Variants in ZIM2 observed in about 807,000 individuals in gnomAD.
ZIM2 encodes the protein zinc finger imprinted 2.
Under a neutral mutation model 38.6 loss-of-function variants are expected in ZIM2, and 14 were observed. The observed-to-expected ratio is 0.36, with a 90% confidence interval of 0.24 to 0.57. ZIM2 has a LOEUF of 0.57. Among genes scored for constraint, ZIM2 ranks in the 20% least tolerant of loss-of-function variants. ZIM2 has a pLI of 0.81. For synonymous variants in ZIM2, 247 were observed against 245.8 expected, an observed-to-expected ratio of 1.00 and a Z score of -0.04; for missense variants, 680 against 695.1, an observed-to-expected ratio of 0.98 and a Z score of 0.24.
At chr19:56,835,431 C>T (rs994901478) in intron 2 of ZIM2, among the ~76,000 whole-genome samples, 2 of 152,266 alleles carry the variant, frequency 1.3e-5, no homozygotes, top group South Asian at 4.1e-4. Flanking sequence ...AACAACAACC[C>T]TATCCCCTCT....
intron 9 of ZIM2, 74 bp from the exon 10 acceptor site, chr19:56,790,025 C>G (rs2046845529): frequency 3.2e-6 from 4 of 1,253,956 alleles, no homozygotes; most frequent in Non-Finnish European, 3.2e-6. Context: ...GCCAGCCACC[C>G]TCATGCCACC....
chr19:56,824,118 T>C, intron 4 of ZIM2, 144 bp downstream of exon 4: 1 of 1,361,352 alleles, frequency 7.3e-7, no homozygotes, highest in South Asian at 1.5e-5. Flanking sequence ...TGCAGCTCAA[T>C]ATCCCACAGT....
chr19:56,779,674 A>AG (rs1285787053), intron 11 of ZIM2, among the ~76,000 whole-genome samples: 1 of 152,118 alleles, frequency 6.6e-6, no homozygotes, highest in Non-Finnish European at 1.5e-5. Flanking sequence ...GAGCAGAGGG[A>AG]GGGGTTCCTA....
At chr19:56,802,414 A>G (rs7260644) in intron 9 of ZIM2, among the ~76,000 whole-genome samples, 3,186 of 152,316 alleles carry the variant, frequency 0.021, 118 homozygotes, top group African/African-American at 0.072. Context: ...GATGGCCCCA[A>G]TGATTAAAAA....
At chr19:56,815,964 T>C (rs568528303) in intron 9 of ZIM2, 1 of 1,587,916 alleles carries the variant, frequency 6.3e-7, no homozygotes, top group East Asian at 2.2e-5. Flanking sequence ...ATTCCCTTCC[T>C]TCAGAGGTGT....
intron 9 of ZIM2, chr19:56,817,384 G>A (rs759218239): frequency 6.2e-7 from 1 of 1,613,964 alleles, no homozygotes; most frequent in Non-Finnish European, 8.5e-7. Context: ...CTTGTTCAAT[G>A]AAATGTCCTT....
At chr19:56,827,820 G>A (rs1183824857) in intron 2 of ZIM2, among the ~76,000 whole-genome samples, 1 of 152,124 alleles carries the variant, frequency 6.6e-6, no homozygotes, top group African/African-American at 2.4e-5. Flanking sequence ...ACCGGACACA[G>A]CACTGTATAC....
intron 9 of ZIM2, among the ~76,000 whole-genome samples, chr19:56,794,429 C>T (rs73935921): frequency 2.0e-5 from 3 of 152,194 alleles, no homozygotes; most frequent in African/African-American, 4.8e-5. Context: ...CTAAAACTTA[C>T]GCCTTTTATT....
At chr19:56,832,587 T>C (rs1339957645) in intron 2 of ZIM2, among the ~76,000 whole-genome samples, 2 of 152,134 alleles carry the variant, frequency 1.3e-5, no homozygotes, top group South Asian at 2.1e-4. Flanking sequence ...CAGTGTTAAG[T>C]AGTAGCCAAC....
At chr19:56,813,704 C>A (rs139998398) in intron 9 of ZIM2, 1 of 1,613,648 alleles carries the variant, frequency 6.2e-7, no homozygotes, top group Non-Finnish European at 8.5e-7. Flanking sequence ...TGGTGTCTGG[C>A]GAGGGACAGG....
intron 2 of ZIM2, chr19:56,833,157 G>A: frequency 1.9e-6 from 1 of 517,516 alleles, no homozygotes; most frequent in Non-Finnish European, 3.9e-6. Flanking sequence ...ACTCCGGTTT[G>A]GCCTCAGGCT....
chr19:56,824,467 G>C (rs2060819102), intron 3 of ZIM2, 40 bp from the exon 4 acceptor site: 3 of 1,613,852 alleles, frequency 1.9e-6, no homozygotes, highest in Non-Finnish European at 2.5e-6. Context: ...GTTTGATCAG[G>C]GTCTTCCGAG....
intron 12 of ZIM2, among the ~76,000 whole-genome samples, chr19:56,777,348 C>G (rs1439434615): frequency 6.6e-6 from 1 of 152,186 alleles, no homozygotes; most frequent in East Asian, 1.9e-4. Context: ...TTTCCTTACC[C>G]TGCTGTATAT....
chr19:56,813,079 G>A (rs1203243216), intron 9 of ZIM2: 2 of 985,366 alleles, frequency 2.0e-6, no homozygotes, highest in East Asian at 2.3e-4. Flanking sequence ...GACTATTTAA[G>A]GGTAAGAAAC....
chr19:56,826,016 C>T (rs2060993596), intron 3 of ZIM2, among the ~76,000 whole-genome samples: 1 of 152,170 alleles, frequency 6.6e-6, no homozygotes, highest in African/African-American at 2.4e-5. Flanking sequence ...AGCTTGGGCA[C>T]CATCCAATGC....
intron 3 of ZIM2, 188 bp from the exon 4 acceptor site, chr19:56,824,615 T>A (rs559813104): frequency 6.2e-7 from 1 of 1,606,768 alleles, no homozygotes; most frequent in African/African-American, 1.3e-5. Flanking sequence ...GGCCCAGGAC[T>A]TCTTAGGTTT....
chr19:56,797,428 T>C (rs559600722), intron 9 of ZIM2, among the ~76,000 whole-genome samples: 2 of 152,310 alleles, frequency 1.3e-5, no homozygotes, highest in East Asian at 1.9e-4. Context: ...GAGAGAGGAA[T>C]TGAAGGGTTG....
chr19:56,818,717 A>G lies in ZIM2; in HGVS notation c.295-15T>C, dbSNP rs755099668. 1.2e-6 allele frequency: 2 copies of G among 1,613,872 alleles called. No individual in the cohort carries two copies. Among genetic ancestry groups the G allele is most frequent in the East Asian group, 2.2e-5 (1 of 44,882 alleles). ...GATTCAGCATCCTAAAACAGCAAAC[A>G]CAGACCTCTCAATGGAGTCTGTCCC... On this transcript the variant is annotated splice_polypyrimidine_tract_variant and intron_variant, in intron 7 of 12. Transcript: ENST00000629319.
rs1020506545 is a variant in ZIM2, at chr19:56,793,650, C to A, written c.491-3699G>T. On this transcript the variant is annotated intron_variant, in intron 9 of 12. Transcript: ENST00000629319. ...GTTATCAGAGATATAGGAATTAAAA[C>A]CCCAATAGGATAACACTATGCACCC... is the stretch of plus-strand genomic sequence containing the variant. Among the ~76,000 whole-genome samples, 68 of 152,098 alleles carry A rather than the reference C, an allele frequency of 4.5e-4. 1 individual carries two copies. The highest frequency in any genetic ancestry group is 1.5e-3 in the African/African-American group (64 of 41,412).
Sources: allele counts gnomAD v4.1 joint callset (sites outside exome capture counted in the v4.1 genomes callset), GRCh38; gene constraint gnomAD v4.1.1; transcripts MANE v1.5; gene names NCBI Gene and HGNC (gene_info 2026-07-23, HGNC 2026-07-21).